The following ISY1 variants were observed in gnomAD, a reference collection of about 807,000 sequenced individuals.
ISY1 encodes ISY1 spliceosome associated protein, also known as pre-mRNA-splicing factor ISY1 homolog.
A neutral mutation model predicts 54.4 loss-of-function variants in ISY1; 12 were observed. That is an observed-to-expected ratio of 0.22 (90% CI 0.14 to 0.36). The LOEUF (loss-of-function observed/expected upper bound fraction) is 0.36. Among genes scored for constraint, ISY1 ranks in the 10% least tolerant of loss-of-function variants. The pLI is 1.00. For synonymous variants in ISY1, 96 were observed against 117.9 expected, an observed-to-expected ratio of 0.81 and a Z score of 1.20; for missense variants, 282 against 342.2, an observed-to-expected ratio of 0.82 and a Z score of 1.39.
chr3:129,129,263 C>T lies in ISY1; in HGVS notation c.*818G>A, dbSNP rs532479604. On this transcript the variant is annotated 3_prime_UTR_variant, in exon 11 of 11. Coordinates refer to ENST00000393295, the MANE Select transcript of ISY1 (RefSeq NM_020701.4). ...AAAACAGGAATAGCAAACTCAAATT[C>T]CTGCCACCCAGGCAGGAGCGAGTGG... 6.6e-6 allele frequency: 1 copy of T among 152,308 alleles called. No individual in the cohort carries two copies. The highest frequency in any genetic ancestry group is 2.4e-5 in the African/African-American group (1 of 41,564). The allele number at this position is 152,308 out of a possible 1,614,324, so 9.4% of individuals were successfully genotyped here. A position where few individuals can be genotyped will look rare whatever the true frequency, so the allele number is the denominator to read the frequency against.
intron 9 of ISY1, among the ~76,000 whole-genome samples, chr3:129,131,161 C>T (rs1236637224): frequency 1.3e-5 from 2 of 152,164 alleles, no homozygotes; most frequent in African/African-American, 2.4e-5. Context: ...CGACCCATTC[C>T]CTGACTGGCT....
chr3:129,157,307 A>G (rs542805637), intron 3 of ISY1, among the ~76,000 whole-genome samples: 3 of 152,212 alleles, frequency 2.0e-5, no homozygotes, highest in Admixed American at 6.5e-5. Context: ...AGAATGGTAT[A>G]TATTATCTCT....
Position 129,140,405 on chromosome 3 carries a change from T to C in ISY1, c.381A>G (p.Lys127=). Residue 127 remains lysine, a synonymous_variant, in exon 7 of 11, where the codon AAA becomes AAG. Coordinates refer to ENST00000393295, the MANE Select transcript of ISY1 (RefSeq NM_020701.4). ...NRGYKYFGAA[K]DLPGVRELFE... ...ACAGCTCTCTAACACCAGGCAAATC[T>C]TTTGCTGCTCCAAAGTACTTGTAAC... The C allele has an allele frequency of 6.2e-7, 1 of 1,612,758 alleles. No homozygotes were observed. The highest frequency in any genetic ancestry group is 8.5e-7 in the Non-Finnish European group (1 of 1,179,698).
At chr3:129,139,446 G>A (rs1936540018) in intron 7 of ISY1, among the ~76,000 whole-genome samples, 1 of 152,080 alleles carries the variant, frequency 6.6e-6, no homozygotes, top group Non-Finnish European at 1.5e-5. Context: ...GCTAATAATG[G>A]TGAAAATACT....
At chr3:129,159,626 C>T (rs1937244959) in intron 1 of ISY1, among the ~76,000 whole-genome samples, 2 of 152,200 alleles carry the variant, frequency 1.3e-5, no homozygotes, top group African/African-American at 4.8e-5. Flanking sequence ...TATGTAAGTT[C>T]TGTCACACTA....
chr3:129,145,724 T>G (rs899383925), intron 6 of ISY1, 37 bp downstream of exon 6: 2 of 1,602,248 alleles, frequency 1.2e-6, no homozygotes, highest in East Asian at 2.2e-5. Flanking sequence ...GGTGGAAAAC[T>G]AGACAAGACC....
intron 1 of ISY1, 36 bp from the exon 2 acceptor site, chr3:129,159,212 T>A: frequency 6.3e-7 from 1 of 1,588,576 alleles, no homozygotes; most frequent in South Asian, 1.2e-5. Flanking sequence ...AATGTCCATG[T>A]TTAAAATATA....
At chr3:129,136,435 A>G (rs1936402487) in intron 7 of ISY1, among the ~76,000 whole-genome samples, 4 of 152,064 alleles carry the variant, frequency 2.6e-5, no homozygotes, top group Admixed American at 2.6e-4. Context: ...CAAAATGACA[A>G]CCAACCAGAT....
At chr3:129,154,623 C>T (rs1294975683) in intron 5 of ISY1, among the ~76,000 whole-genome samples, 1 of 151,400 alleles carries the variant, frequency 6.6e-6, no homozygotes, top group Non-Finnish European at 1.5e-5. Flanking sequence ...CAATTTGGTT[C>T]CTAATATTCT....
chr3:129,134,281 G>T (rs1342188631), intron 8 of ISY1, 86 bp from the exon 9 acceptor site: 2 of 1,588,918 alleles, frequency 1.3e-6, no homozygotes, highest in Non-Finnish European at 1.7e-6. Context: ...ACTATGCAGG[G>T]AAAGTCTAGA....
At chr3:129,138,505 A>G (rs1936501927) in intron 7 of ISY1, among the ~76,000 whole-genome samples, 1 of 152,012 alleles carries the variant, frequency 6.6e-6, no homozygotes, top group Non-Finnish European at 1.5e-5. Flanking sequence ...TTAGCTGGGC[A>G]TGGTGGCAGA....
intron 3 of ISY1, among the ~76,000 whole-genome samples, chr3:129,157,584 G>A (rs1234313560): frequency 3.3e-5 from 5 of 152,106 alleles, no homozygotes; most frequent in African/African-American, 1.2e-4. Context: ...AGCTGGGTGT[G>A]GTGATATGTG....
At chr3:129,150,436 G>A (rs2107615089) in intron 5 of ISY1, among the ~76,000 whole-genome samples, 1 of 152,306 alleles carries the variant, frequency 6.6e-6, no homozygotes, top group Non-Finnish European at 1.5e-5. Context: ...GTATGGCCAG[G>A]CGCGGTGGCT....
At chr3:129,136,113 T>C (rs1342000269) in intron 7 of ISY1, among the ~76,000 whole-genome samples, 3 of 152,126 alleles carry the variant, frequency 2.0e-5, no homozygotes, top group Non-Finnish European at 4.4e-5. Flanking sequence ...GTAATTCTTT[T>C]TTTTTTTTGA....
chr3:129,138,828 G>A (rs868798835), intron 7 of ISY1, among the ~76,000 whole-genome samples: 6 of 130,444 alleles, frequency 4.6e-5, no homozygotes, highest in Non-Finnish European at 8.9e-5. Flanking sequence ...AAAAAAAAAA[G>A]AAAGAAAGAA....
Position 129,161,012 on chromosome 3 carries a change from C to A in ISY1, c.-37G>T, listed in dbSNP as rs528137280. ...GGGCGCCGTCCTGGAGCCCCGCGGCCCCTGTCCAAGAAACTCCACAGGCCC... is the reference window on the plus strand; with the variant it reads ...GGGCGCCGTCCTGGAGCCCCGCGGCACCTGTCCAAGAAACTCCACAGGCCC... On this transcript the variant is annotated 5_prime_UTR_variant, in exon 1 of 11. Transcript: ENST00000393295. 1 of 1,548,318 alleles carries A rather than the reference C, an allele frequency of 6.5e-7. No individual in the cohort carries two copies. Among genetic ancestry groups the A allele is most frequent in the East Asian group, 2.5e-5 (1 of 40,784 alleles).
At chr3:129,157,878 G>T (rs1025004870) in intron 3 of ISY1, among the ~76,000 whole-genome samples, 2 of 152,022 alleles carry the variant, frequency 1.3e-5, no homozygotes, top group Non-Finnish European at 2.9e-5. Context: ...ATAAGAAATA[G>T]GAAATTCTGA....
At chr3:129,144,060 T>C in intron 6 of ISY1, 1 of 281,578 alleles carries the variant, frequency 3.6e-6, no homozygotes, top group Admixed American at 4.1e-5. Context: ...ATACGAATTT[T>C]TTCATACCTG....
intron 6 of ISY1, among the ~76,000 whole-genome samples, chr3:129,141,991 G>A (rs934704787): frequency 2.6e-5 from 4 of 152,042 alleles, no homozygotes; most frequent in African/African-American, 9.6e-5. Flanking sequence ...GATCACCTGA[G>A]GTCAGGAGTT....
Sources: gnomAD v4.1 joint callset for allele counts (sites outside exome capture counted in the v4.1 genomes callset) on GRCh38, gnomAD v4.1.1 for gene constraint, MANE v1.5 for transcripts, NCBI Gene and HGNC (gene_info 2026-07-23, HGNC 2026-07-21) for gene names.